The following KCNH7 variants were observed in gnomAD, a reference collection of about 807,000 sequenced individuals.
KCNH7 encodes voltage-gated inwardly rectifying potassium channel KCNH7.
In KCNH7, 49 loss-of-function variants were observed where a neutral mutation model predicts 120.8. The observed-to-expected ratio is 0.41, with a 90% CI of 0.32 to 0.51. KCNH7 has a LOEUF of 0.51. Ranked by LOEUF, KCNH7 falls within the 20% of genes least tolerant of loss-of-function variation. The probability of loss-of-function intolerance (pLI) is 0.38; values close to 1 mark genes in which losing one functional copy is unlikely to be tolerated. For synonymous variants in KCNH7, 547 were observed against 516.1 expected, an observed-to-expected ratio of 1.06 and a Z score of -0.81; for missense variants, 1,097 against 1,446.6, an observed-to-expected ratio of 0.76 and a Z score of 3.92.
chr2:162,530,470 G>GTGCA (rs1390913851), intron 3 of KCNH7, among the ~76,000 whole-genome samples: 2 of 147,796 alleles, frequency 1.4e-5, no homozygotes, highest in African/African-American at 5.2e-5. Context: ...GCGAGCGTGC[G>GTGCA]CGCACACACA....
intron 2 of KCNH7, among the ~76,000 whole-genome samples, chr2:162,691,850 T>C (rs1686116609): frequency 6.6e-6 from 1 of 152,148 alleles, no homozygotes; most frequent in Non-Finnish European, 1.5e-5. Context: ...TAAATGATGA[T>C]ATCAATCAAT....
intron 3 of KCNH7, chr2:162,527,854 A>G (rs1170773014): frequency 1.3e-5 from 2 of 152,064 alleles, no homozygotes; most frequent in African/African-American, 4.8e-5. Flanking sequence ...TCTTACATTT[A>G]TTTTCACTTA....
intron 8 of KCNH7, among the ~76,000 whole-genome samples, chr2:162,432,747 A>G (rs556656510): frequency 6.8e-4 from 103 of 152,024 alleles, no homozygotes; most frequent in Non-Finnish European, 1.1e-3. Flanking sequence ...ATTAAGCAGG[A>G]GCAACACAAG....
chr2:162,634,672 G>T (rs1261456570), intron 2 of KCNH7, among the ~76,000 whole-genome samples: 2 of 151,956 alleles, frequency 1.3e-5, no homozygotes, highest in African/African-American at 2.4e-5. Flanking sequence ...AAGTCCAGCA[G>T]GTCTGTGTGC....
At chr2:162,440,800 C>A (rs1055203745) in intron 7 of KCNH7, among the ~76,000 whole-genome samples, 1 of 151,946 alleles carries the variant, frequency 6.6e-6, no homozygotes, top group Non-Finnish European at 1.5e-5. Context: ...TATTTTTCTG[C>A]AATTTGAACT....
At chr2:162,439,018 C>G (rs1198870928) in intron 7 of KCNH7, among the ~76,000 whole-genome samples, 1 of 152,022 alleles carries the variant, frequency 6.6e-6, no homozygotes, top group African/African-American at 2.4e-5. Context: ...TGAAACAGGA[C>G]CAACAACTAC....
chr2:162,622,604 T>A (rs1401488949), intron 2 of KCNH7, among the ~76,000 whole-genome samples: 1 of 152,136 alleles, frequency 6.6e-6, no homozygotes, highest in Non-Finnish European at 1.5e-5. Context: ...AATGAATTGA[T>A]CTCTGAATTT....
At chr2:162,824,082 C>A (rs566091949) in intron 2 of KCNH7, among the ~76,000 whole-genome samples, 2 of 152,130 alleles carry the variant, frequency 1.3e-5, no homozygotes, top group South Asian at 4.2e-4. Flanking sequence ...AGGCTGTAAT[C>A]GGCATTCTTG....
intron 2 of KCNH7, among the ~76,000 whole-genome samples, chr2:162,578,476 C>A (rs1299801777): frequency 2.0e-5 from 3 of 151,994 alleles, no homozygotes; most frequent in Non-Finnish European, 4.4e-5. Flanking sequence ...ACGGCCAAGG[C>A]TTCTGACCCT....
At chr2:162,645,756 A>T (rs1684336004) in intron 2 of KCNH7, among the ~76,000 whole-genome samples, 1 of 152,182 alleles carries the variant, frequency 6.6e-6, no homozygotes, top group African/African-American at 2.4e-5. Flanking sequence ...AATGTACAAC[A>T]GTATCCATTT....
At chr2:162,795,029 G>A (rs921584311) in intron 2 of KCNH7, among the ~76,000 whole-genome samples, 1 of 151,968 alleles carries the variant, frequency 6.6e-6, no homozygotes, top group Non-Finnish European at 1.5e-5. Flanking sequence ...CAGTTGGTCA[G>A]TAGTTAAGAA....
intron 2 of KCNH7, among the ~76,000 whole-genome samples, chr2:162,696,217 A>T (rs1686281023): frequency 6.6e-6 from 1 of 152,198 alleles, no homozygotes; most frequent in Non-Finnish European, 1.5e-5. Flanking sequence ...ATGTAGATAT[A>T]GTATTATTTA....
chr2:162,442,388 CT>C (rs1271130982), intron 7 of KCNH7, among the ~76,000 whole-genome samples: 1 of 151,898 alleles, frequency 6.6e-6, no homozygotes, highest in Non-Finnish European at 1.5e-5. Context: ...TTATTAACAC[CT>C]GTTACATAGA....
intron 2 of KCNH7, among the ~76,000 whole-genome samples, chr2:162,562,856 C>A (rs1395430400): frequency 6.6e-6 from 1 of 152,112 alleles, no homozygotes; most frequent in Non-Finnish European, 1.5e-5. Context: ...TAGAATCCAT[C>A]TTTTGTATTG....
chr2:162,771,144 G>T (rs1683037912), intron 2 of KCNH7, among the ~76,000 whole-genome samples: 1 of 152,052 alleles, frequency 6.6e-6, no homozygotes, highest in Non-Finnish European at 1.5e-5. Flanking sequence ...ACATTCTGCA[G>T]ACCATTTCCA....
chr2:162,494,434 G>C (rs991746248), intron 6 of KCNH7, among the ~76,000 whole-genome samples: 1 of 152,040 alleles, frequency 6.6e-6, no homozygotes, highest in African/African-American at 2.4e-5. Flanking sequence ...CAAAAGATAG[G>C]TAAACAGGAT....
At chr2:162,612,484 ACT>A (rs1294460992) in intron 2 of KCNH7, among the ~76,000 whole-genome samples, 1 of 151,728 alleles carries the variant, frequency 6.6e-6, no homozygotes, top group Non-Finnish European at 1.5e-5. Flanking sequence ...TCAAATTTGA[ACT>A]CTCTAGGTGG....
chr2:162,497,092 G>C (rs1690521317), intron 6 of KCNH7: 1 of 152,070 alleles, frequency 6.6e-6, no homozygotes, highest in African/African-American at 2.4e-5. Flanking sequence ...AAAAGTCAAT[G>C]TTATTTCCTC....
chr2:162,570,932 C>G (rs1253816101), intron 2 of KCNH7, among the ~76,000 whole-genome samples: 1 of 152,100 alleles, frequency 6.6e-6, no homozygotes, highest in Non-Finnish European at 1.5e-5. Flanking sequence ...AACCCACAGC[C>G]AATATCATAC....
Sources: allele counts gnomAD v4.1 joint callset (sites outside exome capture counted in the v4.1 genomes callset), GRCh38; gene constraint gnomAD v4.1.1; transcripts MANE v1.5; gene names NCBI Gene and HGNC (gene_info 2026-07-23, HGNC 2026-07-21).